Variants in CDC45 observed in about 807,000 individuals in gnomAD.
CDC45 encodes cell division cycle 45.
A neutral mutation model predicts 77.8 loss-of-function variants in CDC45; 54 were observed. That is an observed-to-expected ratio of 0.69 (90% CI 0.56 to 0.87). The LOEUF (loss-of-function observed/expected upper bound fraction) is 0.87. Ranked by LOEUF, CDC45 falls within the 40% of genes least tolerant of loss-of-function variation. CDC45 has a pLI of 0.00. For missense variants in CDC45, 649 were observed against 721.6 expected, an observed-to-expected ratio of 0.90 and a Z score of 1.15; for synonymous variants, 260 against 272.1, an observed-to-expected ratio of 0.96 and a Z score of 0.44.
chr22:19,514,249 C>T (rs998575045), intron 13 of CDC45, among the ~76,000 whole-genome samples: 1 of 152,206 alleles, frequency 6.6e-6, no homozygotes, highest in African/African-American at 2.4e-5. Context: ...CATAAGACAT[C>T]GTTTCACCTT....
chr22:19,482,901 G>A, intron 4 of CDC45, 74 bp downstream of exon 4: 1 of 1,401,516 alleles, frequency 7.1e-7, no homozygotes, highest in Non-Finnish European at 1.0e-6. Context: ...GGTGTTCTTG[G>A]TAAGGTGTGT....
At chr22:19,518,284 C>T (rs13447285) in intron 17 of CDC45, among the ~76,000 whole-genome samples, 7,014 of 152,246 alleles carry the variant, frequency 0.046, 223 homozygotes, top group Middle Eastern at 0.15. Flanking sequence ...GTCTGGGGCT[C>T]TCGGGGCTGT....
At position 19,491,905 on chromosome 22, in the gene CDC45, C is replaced by T. The variant is rs533753573; in HGVS notation, c.487-2422C>T. Among the ~76,000 whole-genome samples, 11 of 152,000 alleles carry T rather than the reference C, an allele frequency of 7.2e-5. No homozygotes were observed. The East Asian group carries it at 1.9e-3, about 27-fold the overall frequency. On this transcript the variant is annotated intron_variant, in intron 5 of 18. Transcript: ENST00000263201. ...ACCTGCAACCTCTGCCTCCTGGGTT[C>T]AAGCAATTCTGCCTCAGCCTCCTGA...
Position 19,500,298 on chromosome 22 carries a change from T to C in CDC45, c.704+1147T>C, listed in dbSNP as rs562980740. Among the ~76,000 whole-genome samples the C allele has an allele frequency of 4.6e-5, 7 of 152,126 alleles. No homozygotes were observed. The South Asian group carries it at 1.2e-3, about 27-fold the overall frequency. ...GCTCAGTGGCACTTCCTGTACAGGATCTGTACCTGAAACTGTCCCTATAAA... is the reference window on the plus strand; with the variant it reads ...GCTCAGTGGCACTTCCTGTACAGGACCTGTACCTGAAACTGTCCCTATAAA... On this transcript the variant is annotated intron_variant, in intron 9 of 18. Transcript: ENST00000263201.
chr22:19,516,866 A>G lies in CDC45; in HGVS notation c.1609A>G (p.Met537Val). The G allele has an allele frequency of 1.9e-6, 3 of 1,614,018 alleles. No individual in the cohort carries two copies. Among genetic ancestry groups the G allele is most frequent in the Non-Finnish European group, 2.5e-6 (3 of 1,179,950 alleles). ...EKAAESTSSR[M>V]LHNHFDLSVI... ...GGCAGCGGAAAGCACCAGCTCCCGG[A>G]TGCTGCACAACCATTTTGACCTCTC... The change falls in exon 17 of 19, where the codon ATG (methionine) becomes GTG (valine). Residue 537 changes from methionine to valine, a missense_variant. Transcript: ENST00000263201.
chr22:19,514,771 C>T lies in CDC45; in HGVS notation c.1240C>T (p.His414Tyr). Reference protein sequence around the residue: ...LSRSNLDKLYHGLELAKKQLR... With the variant: ...LSRSNLDKLYYGLELAKKQLR... The stretch of plus-strand genomic sequence containing the variant: ...CAGGAGTAACCTGGACAAGCTGTAC[C>T]ATGGCCTGGAACTCGCCAAGAAGCA... Residue 414 changes from histidine to tyrosine, a missense_variant, in exon 14 of 19, where the codon CAT becomes TAT. Physicochemically the swap from His to Tyr is moderately conservative, Grantham distance 83. Coordinates refer to ENST00000263201, the MANE Select transcript of CDC45 (RefSeq NM_003504.5). 1 of 1,612,774 alleles carries T rather than the reference C, an allele frequency of 6.2e-7. No individual in the cohort carries two copies. The highest frequency in any genetic ancestry group is 8.5e-7 in the Non-Finnish European group (1 of 1,179,298).
intron 5 of CDC45, among the ~76,000 whole-genome samples, chr22:19,493,239 G>GTTTTGTTTTGTTTTGTT (rs112060234): frequency 0.16 from 23,043 of 146,826 alleles, 2,315 homozygotes; most frequent in South Asian, 0.23. Context: ...TTTTTTTTTT[G>GTTTTGTTTTGTTTTGTT]TTGTTTTGTT....
chr22:19,511,216 G>A (rs374423284), intron 13 of CDC45, among the ~76,000 whole-genome samples: 1 of 151,896 alleles, frequency 6.6e-6, no homozygotes. Flanking sequence ...GTGGTATCTC[G>A]TTATGGTTTT....
At chr22:19,519,783 A>T (rs928591087) in intron 18 of CDC45, among the ~76,000 whole-genome samples, 1 of 152,188 alleles carries the variant, frequency 6.6e-6, no homozygotes, top group Admixed American at 6.5e-5. Context: ...TGCTGACAAC[A>T]GCATAGGGGG....
In CDC45 at chr22:19,482,809, T is replaced by C. The variant is rs779515262; in HGVS notation, c.324T>C (p.Asn108=). The change falls in exon 4 of 19, where the codon AAT becomes AAC. Residue 108 remains asparagine (N), a synonymous_variant. Coordinates refer to ENST00000263201, the MANE Select transcript of CDC45 (RefSeq NM_003504.5). ...CCCATAGGCCAGTCAATGTCGTCAA[T>C]GTATACAACGATACCCAGGTACTTT... ...CDTHRPVNVV[N]VYNDTQIKLL... is the part of the protein sequence containing the mutation. 4.3e-6 allele frequency: 7 copies of C among 1,614,050 alleles called. No homozygotes were observed. The highest frequency in any genetic ancestry group is 4.0e-5 in the African/African-American group (3 of 74,942).
chr22:19,496,020 T>C lies in CDC45; in HGVS notation c.582T>C (p.His194=), dbSNP rs777689461. The C allele has an allele frequency of 6.2e-7, 1 of 1,607,564 alleles. No individual in the cohort carries two copies. The highest frequency in any genetic ancestry group is 1.7e-5 in the Admixed American group (1 of 59,980). ...ILFDYEQYEY[H]GTSSAMVMFE... is the part of the protein sequence containing the mutation. ...TTGACTACGAGCAGTATGAATATCA[T>C]GGGACATCGGTAAGTATGAATAGGT... The change falls in exon 7 of 19, where the codon CAT becomes CAC. Residue 194 remains histidine (H), a synonymous_variant. Coordinates refer to ENST00000263201, the MANE Select transcript of CDC45 (RefSeq NM_003504.5).
chr22:19,481,150 C>A, intron 3 of CDC45, 105 bp downstream of exon 3: 1 of 693,482 alleles, frequency 1.4e-6, no homozygotes, highest in South Asian at 1.9e-5. Context: ...TAAGTATCAG[C>A]TACATTAGGC....
intron 6 of CDC45, 70 bp downstream of exon 6, chr22:19,494,452 T>C (rs2090206107): frequency 6.3e-7 from 1 of 1,593,382 alleles, no homozygotes; most frequent in South Asian, 1.1e-5. Context: ...GTGCCACCCA[T>C]ACCTCTGACT....
At chr22:19,480,315 G>A (rs2089956910) in intron 2 of CDC45, 98 bp downstream of exon 2, 1 of 1,108,054 alleles carries the variant, frequency 9.0e-7, no homozygotes, top group African/African-American at 1.5e-5. Flanking sequence ...GGGTGCTGAG[G>A]GCTTAGGGTG....
Position 19,505,379 on chromosome 22 carries a change from A to G in CDC45, c.722A>G (p.Asp241Gly). Residue 241 changes from aspartate (D) to glycine (G), a missense_variant, in exon 10 of 19, where the codon GAT becomes GGT. Physicochemically the swap from Asp to Gly is moderately conservative, Grantham distance 94. Coordinates refer to ENST00000263201, the MANE Select transcript of CDC45 (RefSeq NM_003504.5). ...DKITQMKYVT[D>G]VGVLQRHVSR... ...TTTTCCAGAATGAAATACGTGACTG[A>G]TGTTGGTGTCCTGCAGCGCCACGTT... 1 of 1,613,772 alleles carries G rather than the reference A, an allele frequency of 6.2e-7. No homozygotes were observed. The highest frequency in any genetic ancestry group is 8.5e-7 in the Non-Finnish European group (1 of 1,179,980).
At chr22:19,517,281 C>T (rs1007194378) in intron 17 of CDC45, among the ~76,000 whole-genome samples, 1 of 152,168 alleles carries the variant, frequency 6.6e-6, no homozygotes, top group Non-Finnish European at 1.5e-5. Context: ...TGACCCAGGA[C>T]ACCAACCCTT....
intron 10 of CDC45, 68 bp from the exon 11 acceptor site, chr22:19,507,318 C>G: frequency 6.3e-7 from 1 of 1,579,080 alleles, no homozygotes; most frequent in South Asian, 1.1e-5. Flanking sequence ...AGTGGCCCAC[C>G]TGCTGGAGTT....
chr22:19,500,636 C>T (rs1175085402), intron 9 of CDC45, among the ~76,000 whole-genome samples: 1 of 152,132 alleles, frequency 6.6e-6, no homozygotes, highest in Non-Finnish European at 1.5e-5. Flanking sequence ...ACCAAGAGTG[C>T]AGTTTGTACA....
Position 19,516,516 on chromosome 22 carries a change from C to A in CDC45, c.1441-11C>A. 6.2e-7 allele frequency: 1 copy of A among 1,610,660 alleles called. No individual in the cohort carries two copies. Among genetic ancestry groups the A allele is most frequent in the Non-Finnish European group, 8.5e-7 (1 of 1,177,116 alleles). On this transcript the variant is annotated splice_polypyrimidine_tract_variant and intron_variant, in intron 15 of 18. Transcript: ENST00000263201. ...CCATACCCTGACGGAGGGTGCTCTC[C>A]GACTCCATAGACAAAGAACCGGCGC...
Sources: allele counts gnomAD v4.1 joint callset (sites outside exome capture counted in the v4.1 genomes callset), GRCh38; gene constraint gnomAD v4.1.1; transcripts MANE v1.5; gene names NCBI Gene and HGNC (gene_info 2026-07-23, HGNC 2026-07-21).